SGCD: variants seen among roughly 807,000 people sequenced by gnomAD.
SGCD encodes delta-sarcoglycan.
In SGCD, 18 loss-of-function variants were observed where a neutral mutation model predicts 36.6. The observed-to-expected ratio is 0.49, with a 90% confidence interval of 0.34 to 0.73. SGCD has a LOEUF of 0.73. Among genes scored for constraint, SGCD ranks in the 30% least tolerant of loss-of-function variants. The pLI is 0.01. For synonymous variants in SGCD, 133 were observed against 130.6 expected, an observed-to-expected ratio of 1.02 and a Z score of -0.12; for missense variants, 387 against 346.7, an observed-to-expected ratio of 1.12 and a Z score of -0.92.
chr5:156,228,914 A>T (rs1254678888), intron 3 of SGCD, among the ~76,000 whole-genome samples: 2 of 146,242 alleles, frequency 1.4e-5, no homozygotes, highest in African/African-American at 5.5e-5. Context: ...TGTATCTGTG[A>T]GGGTGCTGCC....
the SGCD span, among the ~76,000 whole-genome samples, chr5:155,782,568 T>C: frequency 6.6e-6 from 1 of 152,168 alleles, no homozygotes; most frequent in African/African-American, 2.4e-5. Context: ...GTAAGAGTTC[T>C]TATACTGAAA....
At chr5:156,328,760 G>C (rs1404532579) in intron 1 of SGCD, among the ~76,000 whole-genome samples, 3 of 152,100 alleles carry the variant, frequency 2.0e-5, no homozygotes, top group Non-Finnish European at 4.4e-5. Context: ...TTCGTGTTGG[G>C]GTGGTGTGGG....
Position 156,423,572 on chromosome 5 carries a change from T to G in SGCD, c.192+78895T>G, listed in dbSNP as rs146893489. ...TAATATCTAGCATCATTTCTTGTTT[T>G]GAATGTTACAATTTGCATCTTGAGA... is the stretch of plus-strand genomic sequence containing the variant. On this transcript the variant is annotated intron_variant, in intron 3 of 8. Transcript: ENST00000337851. Among the ~76,000 whole-genome samples, 1,349 of 150,696 alleles carry G rather than the reference T, an allele frequency of 9.0e-3. 23 individuals are homozygous for G. The highest frequency in any genetic ancestry group is 0.031 in the African/African-American group (1,277 of 40,936).
Position 156,592,606 on chromosome 5 carries a change from C to T in SGCD, c.383-2326C>T, listed in dbSNP as rs534515183. 5.3e-5 allele frequency among the ~76,000 whole-genome samples: 8 copies of T among 152,200 alleles called. No homozygotes were observed. In the South Asian group the frequency reaches 1.7e-3, roughly 32 times the overall value. Reference sequence around the variant, plus strand: ...CTTCTCCTTCCTAGACAAATAAATGCCCCTTTCCTTCTGTGGAATAATTCT... The same window carrying T: ...CTTCTCCTTCCTAGACAAATAAATGTCCCTTTCCTTCTGTGGAATAATTCT... On this transcript the variant is annotated intron_variant, in intron 5 of 8. Transcript: ENST00000337851.
intron 4 of SGCD, among the ~76,000 whole-genome samples, chr5:156,535,748 A>G (rs527468840): frequency 6.6e-6 from 1 of 152,284 alleles, no homozygotes; most frequent in South Asian, 2.1e-4. Flanking sequence ...AATTCTGTCT[A>G]TATTTGGTGA....
chr5:156,391,627 G>A (rs929751524), intron 3 of SGCD, among the ~76,000 whole-genome samples: 2 of 152,134 alleles, frequency 1.3e-5, no homozygotes, highest in Non-Finnish European at 1.5e-5. Context: ...GATTTAAAGT[G>A]TATAAGAAAA....
chr5:155,732,460 CCAAGCTTT>C, the SGCD span, among the ~76,000 whole-genome samples: 1 of 152,104 alleles, frequency 6.6e-6, no homozygotes, highest in African/African-American at 2.4e-5. Context: ...GAGATCTTTC[CCAAGCTTT>C]CTCCCTCCCC....
At chr5:156,131,852 T>G (rs192587443) in intron 3 of SGCD, among the ~76,000 whole-genome samples, 1 of 152,230 alleles carries the variant, frequency 6.6e-6, no homozygotes, top group Admixed American at 6.5e-5. Context: ...TTTGGGAACA[T>G]CGAAGAGCTG....
At chr5:155,934,888 A>G (rs891212649) in intron 1 of SGCD, among the ~76,000 whole-genome samples, 1 of 152,150 alleles carries the variant, frequency 6.6e-6, no homozygotes, top group Non-Finnish European at 1.5e-5. Context: ...GACATGGAGG[A>G]ACTGCTGTGG....
At chr5:156,578,894 G>GT (rs201655780) in intron 4 of SGCD, among the ~76,000 whole-genome samples, 1 of 152,118 alleles carries the variant, frequency 6.6e-6, no homozygotes, top group African/African-American at 2.4e-5. Flanking sequence ...CTTTTGAAGG[G>GT]TTTTTTGTGT....
intron 3 of SGCD, among the ~76,000 whole-genome samples, chr5:156,398,988 G>A (rs1430599813): frequency 2.0e-5 from 3 of 152,268 alleles, no homozygotes; most frequent in South Asian, 2.1e-4. Context: ...ATTAGATAGC[G>A]CAGATGTAGA....
chr5:155,783,871 A>G, the SGCD span, among the ~76,000 whole-genome samples: 2 of 152,200 alleles, frequency 1.3e-5, no homozygotes, highest in African/African-American at 4.8e-5. Flanking sequence ...AGCTATATGT[A>G]TGCAAGAGGA....
chr5:155,835,001 A>ACTTTTTTTTTTTTTTTTT, the SGCD span, among the ~76,000 whole-genome samples: 1 of 26,070 alleles, frequency 3.8e-5, no homozygotes, highest in African/African-American at 1.4e-4. Flanking sequence ...ATGCCCAGCT[A>ACTTTTTTTTTTTTTTTTT]ATTTTTTTTT....
chr5:156,108,485 A>G (rs891803710), intron 1 of SGCD, among the ~76,000 whole-genome samples: 2 of 152,142 alleles, frequency 1.3e-5, no homozygotes, highest in Non-Finnish European at 1.5e-5. Flanking sequence ...TGCCTGATAC[A>G]TATAGCATTA....
intron 1 of SGCD, among the ~76,000 whole-genome samples, chr5:155,886,149 A>G (rs915716791): frequency 6.6e-6 from 1 of 152,220 alleles, no homozygotes; most frequent in Admixed American, 6.5e-5. Flanking sequence ...GGTTACAAGT[A>G]ATAGATACTG....
chr5:156,620,456 TAAA>T (rs1486874962), intron 6 of SGCD, among the ~76,000 whole-genome samples: 2 of 152,216 alleles, frequency 1.3e-5, no homozygotes, highest in African/African-American at 4.8e-5. Context: ...AAAATGTTTT[TAAA>T]AACTTGAACA....
intron 7 of SGCD, among the ~76,000 whole-genome samples, chr5:156,666,854 TA>T (rs1467320029): frequency 6.6e-6 from 1 of 152,094 alleles, no homozygotes; most frequent in African/African-American, 2.4e-5. Context: ...ACAGACACAG[TA>T]ACAATTTGAT....
chr5:156,672,209 T>C (rs1339834106), intron 7 of SGCD, among the ~76,000 whole-genome samples: 3 of 152,202 alleles, frequency 2.0e-5, no homozygotes, highest in Non-Finnish European at 4.4e-5. Flanking sequence ...GTCAATATTG[T>C]TCATATTGGA....
chr5:155,827,845 A>ATTTTTTTTTTTTTT, the SGCD span, among the ~76,000 whole-genome samples: 6 of 124,930 alleles, frequency 4.8e-5, no homozygotes, highest in African/African-American at 1.5e-4. Context: ...CACCTGGCTA[A>ATTTTTTTTTTTTTT]TTTTTTTTTT....
Sources: gnomAD v4.1 joint callset for allele counts (sites outside exome capture counted in the v4.1 genomes callset) on GRCh38, gnomAD v4.1.1 for gene constraint, MANE v1.5 for transcripts, NCBI Gene and HGNC (gene_info 2026-07-23, HGNC 2026-07-21) for gene names.